FANCE: variants seen among roughly 807,000 people sequenced by gnomAD.
The protein encoded by FANCE is FA complementation group E, also known as Fanconi anemia group E protein.
Under a neutral mutation model 57.8 loss-of-function variants are expected in FANCE, and 42 were observed. That is an observed-to-expected ratio of 0.73 (90% CI 0.57 to 0.94). The LOEUF is 0.94. Among genes scored for constraint, FANCE ranks in the 40% least tolerant of loss-of-function variants. The pLI is 0.00. For missense variants in FANCE, 608 were observed against 661.8 expected (o/e 0.92, Z 0.89); for synonymous variants, 251 against 286.4 (o/e 0.88, Z 1.25).
At chr6:35,460,856 A>G (rs1767561506) in intron 8 of FANCE, among the ~76,000 whole-genome samples, 1 of 151,860 alleles carries the variant, frequency 6.6e-6, no homozygotes, top group Non-Finnish European at 1.5e-5. Context: ...TGGGGGTGGG[A>G]TTTTTGATGT....
Position 35,460,637 on chromosome 6 carries a change from G to C in FANCE, c.1383+19G>C. On this transcript the variant is annotated intron_variant, in intron 8 of 9. Transcript: ENST00000229769. ...GCGGCAGGTGAGCAGGCTGCCCTGG[G>C]GAAGAGTGGACAAAGAAGTGCTGCA... is the stretch of plus-strand genomic sequence containing the variant. 6.2e-7 allele frequency: 1 copy of C among 1,611,174 alleles called. No individual in the cohort carries two copies. Among genetic ancestry groups the C allele is most frequent in the Non-Finnish European group, 8.5e-7 (1 of 1,177,720 alleles).
intron 9 of FANCE, among the ~76,000 whole-genome samples, chr6:35,465,423 T>A (rs529734093): frequency 2.0e-5 from 3 of 151,914 alleles, no homozygotes. Flanking sequence ...ATGATCCACC[T>A]GCCTCGGCCT....
chr6:35,460,541 C>T lies in FANCE; in HGVS notation c.1317-11C>T, dbSNP rs147572271. 4.1e-4 allele frequency: 659 copies of T among 1,614,022 alleles called. 10 individuals are homozygous for T. In the East Asian group the frequency reaches 0.015, roughly 36 times the overall value. ...GGCCAGGCATTTTTCACTAGGGCCT[C>T]TGCTTTGCAGACAGATCTTGGAGCT... On this transcript the variant is annotated splice_polypyrimidine_tract_variant and intron_variant, in intron 7 of 9. Coordinates refer to ENST00000229769, the MANE Select transcript of FANCE (RefSeq NM_021922.3).
Position 35,457,917 on chromosome 6 carries a change from G to A in FANCE, c.902G>A (p.Gly301Glu). ...CTAACATGAGATTTGTCTCCCCAGGGGTTAGAGGGATTGGAGGATGCCCCC... is the reference window on the plus strand; with the variant it reads ...CTAACATGAGATTTGTCTCCCCAGGAGTTAGAGGGATTGGAGGATGCCCCC... ...LQQLLKTLEE[G>E]LEGLEDAPPV... Residue 301 changes from glycine (G) to glutamate (E), a missense_variant and splice_region_variant, in exon 4 of 10, where the codon GGG becomes GAG. Gly to Glu is a moderately conservative substitution (Grantham distance 98). Transcript: ENST00000229769. The A allele has an allele frequency of 6.2e-7, 1 of 1,613,982 alleles. No individual in the cohort carries two copies. The highest frequency in any genetic ancestry group is 8.5e-7 in the Non-Finnish European group (1 of 1,179,886).
At chr6:35,462,296 C>T (rs1404207026) in intron 8 of FANCE, among the ~76,000 whole-genome samples, 3 of 151,644 alleles carry the variant, frequency 2.0e-5, no homozygotes, top group Non-Finnish European at 4.4e-5. Context: ...TTAATAGAGA[C>T]GGATTTCACC....
Position 35,456,048 on chromosome 6 carries a change from C to T in FANCE, c.550C>T (p.Pro184Ser). The change falls in exon 2 of 10, where the codon CCA (proline) becomes TCA (serine). Residue 184 changes from proline to serine, a missense_variant. Pro to Ser is a moderately conservative substitution (Grantham distance 74). Transcript: ENST00000229769. The surrounding 1 kb of genome is among the most constrained non-coding windows in gnomAD (Gnocchi z 4.3). ...GGRRLKSPQA[P>S]DPEEEENRDS... ...CAGGAGGTTGAAATCCCCCCAGGCT[C>T]CAGACCCTGAAGAAGAGGAGAACAG... 6.2e-7 allele frequency: 1 copy of T among 1,613,184 alleles called. No individual in the cohort carries two copies. The highest frequency in any genetic ancestry group is 8.5e-7 in the Non-Finnish European group (1 of 1,179,678).
At position 35,458,353 on chromosome 6, in the gene FANCE, G is replaced by T; in HGVS notation, c.1026G>T (p.Leu342=). 6.2e-7 allele frequency: 1 copy of T among 1,614,152 alleles called. No homozygotes were observed. Among genetic ancestry groups the T allele is most frequent in the Non-Finnish European group, 8.5e-7 (1 of 1,180,036 alleles). ...QLPQLSDLGL[L]RLCTWLLALS... ...CTCAGCTCTCAGACCTCGGTCTCCT[G>T]CGGCTCTGCACCTGGCTGCTGGCCC... Residue 342 remains leucine (L), a synonymous_variant, in exon 5 of 10, where the codon CTG becomes CTT. Transcript: ENST00000229769.
chr6:35,452,442 G>T lies in FANCE; in HGVS notation c.-104G>T. The T allele has an allele frequency of 8.8e-7, 1 of 1,131,512 alleles. No individual in the cohort carries two copies. Among genetic ancestry groups the T allele is most frequent in the Non-Finnish European group, 1.1e-6 (1 of 905,756 alleles). 70.1% of individuals were successfully genotyped at this position (1,131,512 alleles called of 1,614,324 possible). On this transcript the variant is annotated 5_prime_UTR_variant, in exon 1 of 10. Coordinates refer to ENST00000229769, the MANE Select transcript of FANCE (RefSeq NM_021922.3). ...TTGTAACAGGCGCTGGAGCTGGCCC[G>T]CCACCGCCGCGTCAGGGACGGCGCT...
rs746770705 is a variant in FANCE, at chr6:35,459,753, A to G, written c.1309A>G (p.Met437Val). The change falls in exon 7 of 10, where the codon ATG (methionine) becomes GTG (valine). Residue 437 changes from methionine to valine, a missense_variant. By Grantham distance (21) the Met-to-Val change is conservative (BLOSUM62 1). Coordinates refer to ENST00000229769, the MANE Select transcript of FANCE (RefSeq NM_021922.3). ...CCTGGAGCCAGATGCACAGGTTCTA[A>G]TGCTGGGGTGAGTGTGCAGGCCTCC... Reference protein sequence around the residue: ...ESLEPDAQVLMLGQILELPWK... With the variant: ...ESLEPDAQVLVLGQILELPWK... 6.9e-5 allele frequency: 111 copies of G among 1,613,832 alleles called. No homozygotes were observed. The South Asian group carries it at 1.0e-3, about 15-fold the overall frequency.
intron 9 of FANCE, 49 bp downstream of exon 9, chr6:35,462,963 T>TGGGCCTGCCAC (rs777934691): frequency 6.2e-7 from 1 of 1,610,164 alleles, no homozygotes; most frequent in Non-Finnish European, 8.5e-7. Flanking sequence ...AGGGCTGCCC[T>TGGGCCTGCCAC]GGGCCTGCCA....
In FANCE at chr6:35,456,240, G is replaced by A. The variant is rs1330517530; in HGVS notation, c.742G>A (p.Ala248Thr). The A allele has an allele frequency of 6.2e-7, 1 of 1,614,208 alleles. No homozygotes were observed. ...GGAATCCCTGGCAGATGGAGGAAGT[G>A]CATCTCCTATTAAGGACCAGCCTGT... ...SLESLADGGS[A>T]SPIKDQPVMA... The change falls in exon 2 of 10, where the codon GCA becomes ACA. Residue 248 changes from alanine to threonine, a missense_variant. Coordinates refer to ENST00000229769, the MANE Select transcript of FANCE (RefSeq NM_021922.3). The surrounding 1 kb of genome is among the most constrained non-coding windows in gnomAD (Gnocchi z 4.3).
intron 1 of FANCE, 102 bp from the exon 2 acceptor site, chr6:35,455,645 G>A (rs2150889591): frequency 1.4e-6 from 2 of 1,401,028 alleles, no homozygotes; most frequent in Non-Finnish European, 2.0e-6. Flanking sequence ...CTGCGTGCCA[G>A]CCCCCATCTG....
At position 35,455,821 on chromosome 6, in the gene FANCE, C is replaced by T. The variant is rs1056219211; in HGVS notation, c.323C>T (p.Ser108Leu). 5.6e-6 allele frequency: 9 copies of T among 1,614,088 alleles called. No individual in the cohort carries two copies. The highest frequency in any genetic ancestry group is 3.3e-5 in the South Asian group (3 of 91,094). ...TCCCTGCTGATGGCCGTTCGGCCAT[C>T]GCTGCCGGAAAGTGGGCTCCTCTCT... The part of the protein sequence containing the change: ...LMSLLMAVRP[S>L]LPESGLLSVL... Residue 108 changes from serine to leucine, a missense_variant, in exon 2 of 10, where the codon TCG (serine) becomes TTG (leucine). Ser to Leu is a moderately radical substitution (Grantham distance 145). Coordinates refer to ENST00000229769, the MANE Select transcript of FANCE (RefSeq NM_021922.3).
At position 35,457,582 on chromosome 6, in the gene FANCE, G is replaced by T; in HGVS notation, c.882G>T (p.Leu294=). ...ACCAGCTTCCCAGGCTGCAGCAGCT[G>T]CTGAAGACCTTGGAGGAGGTGACTG... ...IQDQLPRLQQ[L]LKTLEEGLEG... Residue 294 remains leucine (L), a synonymous_variant, in exon 3 of 10, where the codon CTG becomes CTT. Transcript: ENST00000229769. 1 of 1,613,916 alleles carries T rather than the reference G, an allele frequency of 6.2e-7. No individual in the cohort carries two copies. Among genetic ancestry groups the T allele is most frequent in the Non-Finnish European group, 8.5e-7 (1 of 1,180,022 alleles).
At position 35,455,745 on chromosome 6, in the gene FANCE, A is replaced by T; in HGVS notation, c.249-2A>T. On this transcript the variant is annotated splice_acceptor_variant, in intron 1 of 9. Transcript: ENST00000229769. LOFTEE classifies it high-confidence loss of function. ...ACTGCTTGCTCTCCCTCTGCTACCC[A>T]GGAAACCACTGTTGCTGCGATTGCC... 1 of 1,613,828 alleles carries T rather than the reference A, an allele frequency of 6.2e-7. No homozygotes were observed. Among genetic ancestry groups the T allele is most frequent in the Non-Finnish European group, 8.5e-7 (1 of 1,180,026 alleles).
At chr6:35,455,474 A>G (rs552897284) in intron 1 of FANCE, among the ~76,000 whole-genome samples, 34 of 152,054 alleles carry the variant, frequency 2.2e-4, no homozygotes, top group African/African-American at 7.2e-4. Flanking sequence ...TGCCCGTCTA[A>G]TTTTTGTATT....
rs150278839 is a variant in FANCE at position 35,456,097 on chromosome 6, G to T, written c.599G>T (p.Arg200Leu). ...AGGGACTCCCAGCAGCCTGGGAAAC[G>T]CAGAAAGGACTCAGAGGAAGAGGCT... ...ENRDSQQPGK[R>L]RKDSEEEAAS... is the part of the protein sequence containing the mutation. Residue 200 changes from arginine to leucine, a missense_variant, in exon 2 of 10, where the codon CGC (arginine) becomes CTC (leucine). Coordinates refer to ENST00000229769, the MANE Select transcript of FANCE (RefSeq NM_021922.3). This position sits in a 1 kb window ranked among gnomAD's most constrained non-coding sequence, Gnocchi z 4.3. 1.2e-6 allele frequency: 2 copies of T among 1,614,026 alleles called. No homozygotes were observed. The highest frequency in any genetic ancestry group is 1.7e-6 in the Non-Finnish European group (2 of 1,180,008).
At chr6:35,464,295 G>A (rs1391686944) in intron 9 of FANCE, among the ~76,000 whole-genome samples, 2 of 130,512 alleles carry the variant, frequency 1.5e-5, no homozygotes, top group Non-Finnish European at 3.1e-5. Context: ...CTAGAGTGCA[G>A]TGGCGCATCT....
Position 35,462,861 on chromosome 6 carries a change from T to C in FANCE, c.1456T>C (p.Ser486Pro). The C allele has an allele frequency of 1.9e-6, 3 of 1,614,226 alleles. No homozygotes were observed. Among genetic ancestry groups the C allele is most frequent in the Non-Finnish European group, 2.5e-6 (3 of 1,180,028 alleles). ...LCKKGLAATTSMAYAKLMLTV... is the reference protein window; with the variant it reads ...LCKKGLAATTPMAYAKLMLTV... The stretch of plus-strand genomic sequence containing the variant: ...TAAAAAGGGGCTGGCAGCCACCACC[T>C]CCATGGCCTATGCCAAGCTCATGCT... The change falls in exon 9 of 10, where the codon TCC (serine) becomes CCC (proline). Residue 486 changes from serine (S) to proline (P), a missense_variant. By Grantham distance (74) the Ser-to-Pro change is moderately conservative. Coordinates refer to ENST00000229769, the MANE Select transcript of FANCE (RefSeq NM_021922.3).
Sources: allele counts gnomAD v4.1 joint callset (sites outside exome capture counted in the v4.1 genomes callset), GRCh38; gene constraint gnomAD v4.1.1; non-coding constraint Gnocchi (gnomAD v3.1); transcripts MANE v1.5; gene names NCBI Gene and HGNC (gene_info 2026-07-23, HGNC 2026-07-21).